Variants in CSMD1 observed in about 807,000 individuals in gnomAD.
CSMD1 encodes the protein CUB and Sushi multiple domains 1.
Under a neutral mutation model 417.5 loss-of-function variants are expected in CSMD1, and 213 were observed. The observed-to-expected ratio is 0.51, with a 90% CI of 0.46 to 0.57. CSMD1 has a LOEUF of 0.57. CSMD1 is among the 20% of genes least tolerant of loss of function. CSMD1 has a pLI of 0.00. For missense variants in CSMD1, 6,923 were observed against 4,529.7 expected (o/e 1.53, Z -15.17); for synonymous variants, 2,862 against 1,736.8 (o/e 1.65, Z -16.11).
rs537543702 is a variant in CSMD1 at position 4,484,011 on chromosome 8, T to C, written c.303-63946A>G. On this transcript the variant is annotated intron_variant, in intron 2 of 69. Coordinates refer to ENST00000635120, the MANE Select transcript of CSMD1 (RefSeq NM_033225.6). ...GCCCTGGGAGAAACATCCCATTGCCTGTTGGATGATAGGGCTGCATTAGAC... is the reference window on the plus strand; with the variant it reads ...GCCCTGGGAGAAACATCCCATTGCCCGTTGGATGATAGGGCTGCATTAGAC... Among the ~76,000 whole-genome samples, 10 of 152,224 alleles carry C rather than the reference T, an allele frequency of 6.6e-5. No homozygotes were observed. In the South Asian group the frequency reaches 8.3e-4, roughly 13 times the overall value.
At chr8:3,344,482 G>C (rs1021604050) in intron 22 of CSMD1, among the ~76,000 whole-genome samples, 2 of 152,164 alleles carry the variant, frequency 1.3e-5, no homozygotes, top group Non-Finnish European at 2.9e-5. Flanking sequence ...AAATAAAAAA[G>C]TCAATGCAGC....
At chr8:4,670,070 T>C (rs1805199070) in intron 1 of CSMD1, among the ~76,000 whole-genome samples, 1 of 152,186 alleles carries the variant, frequency 6.6e-6, no homozygotes, top group Non-Finnish European at 1.5e-5. Flanking sequence ...AAAGGGAAGC[T>C]GGTTTGGTGC....
chr8:3,363,817 C>T (rs1313071773), intron 20 of CSMD1, among the ~76,000 whole-genome samples: 4 of 152,148 alleles, frequency 2.6e-5, no homozygotes, highest in African/African-American at 4.8e-5. Context: ...CACGTCGTAG[C>T]GAGTGGGAAA....
At position 3,976,069 on chromosome 8, in the gene CSMD1, A is replaced by AT. The variant is rs201414128; in HGVS notation, c.818+21833dup. 1.1e-4 allele frequency among the ~76,000 whole-genome samples: 16 copies of AT among 152,090 alleles called. No homozygotes were observed. In the South Asian group the frequency reaches 3.3e-3, roughly 32 times the overall value. The stretch of plus-strand genomic sequence containing the variant: ...TTGAAATCTGTATTTGATATGTTAA[A>AT]TTTTTTTGGGGGGGTCACGAACTTG... On this transcript the variant is annotated intron_variant, in intron 5 of 69. Transcript: ENST00000635120.
At chr8:4,379,738 G>C (rs1425932114) in intron 3 of CSMD1, among the ~76,000 whole-genome samples, 1 of 151,906 alleles carries the variant, frequency 6.6e-6, no homozygotes, top group African/African-American at 2.4e-5. Context: ...GTGGCAGAAA[G>C]TATGATAAAT....
At chr8:4,647,488 G>C (rs980725494) in intron 1 of CSMD1, among the ~76,000 whole-genome samples, 3 of 148,268 alleles carry the variant, frequency 2.0e-5, no homozygotes, top group Non-Finnish European at 2.9e-5. Flanking sequence ...GTGTGCCATG[G>C]TGGTTTGTTA....
chr8:4,072,488 G>A (rs147415629), intron 3 of CSMD1, among the ~76,000 whole-genome samples: 1 of 152,134 alleles, frequency 6.6e-6, no homozygotes, highest in African/African-American at 2.4e-5. Flanking sequence ...GAAGGGAATT[G>A]TGACTATAAT....
intron 7 of CSMD1, 108 bp downstream of exon 7, chr8:3,708,306 A>C: frequency 5.2e-5 from 42 of 802,032 alleles, no homozygotes; most frequent in Non-Finnish European, 7.8e-5. Flanking sequence ...AAAAGAAGGA[A>C]GAGATAACGT....
At chr8:3,499,261 A>T (rs1383219719) in intron 10 of CSMD1, among the ~76,000 whole-genome samples, 1 of 152,208 alleles carries the variant, frequency 6.6e-6, no homozygotes, top group African/African-American at 2.4e-5. Flanking sequence ...GTTGTAATCA[A>T]TGTCTGCATG....
chr8:3,963,143 G>A (rs1278536971), intron 5 of CSMD1, among the ~76,000 whole-genome samples: 1 of 152,054 alleles, frequency 6.6e-6, no homozygotes, highest in Non-Finnish European at 1.5e-5. Context: ...TGTTGGCTAG[G>A]CTTGACTCAA....
chr8:3,458,327 G>A (rs936648776), intron 12 of CSMD1, among the ~76,000 whole-genome samples: 1 of 152,020 alleles, frequency 6.6e-6, no homozygotes, highest in African/African-American at 2.4e-5. Flanking sequence ...ATTTAATAAT[G>A]GCTTATCTCA....
intron 3 of CSMD1, among the ~76,000 whole-genome samples, chr8:4,065,970 G>C (rs577524746): frequency 1.3e-5 from 2 of 152,114 alleles, no homozygotes; most frequent in South Asian, 2.1e-4. Context: ...GTCCAATTTG[G>C]GTGAAAAATA....
chr8:3,596,840 T>C (rs945498536), intron 8 of CSMD1, among the ~76,000 whole-genome samples: 1 of 152,098 alleles, frequency 6.6e-6, no homozygotes, highest in Admixed American at 6.6e-5. Flanking sequence ...TCCAAAAGCA[T>C]GTTTACAAGA....
chr8:2,967,784 A>G (rs1182542283), intron 57 of CSMD1, among the ~76,000 whole-genome samples: 1 of 152,216 alleles, frequency 6.6e-6, no homozygotes, highest in Admixed American at 6.5e-5. Flanking sequence ...AGAACATGGA[A>G]GAAAACATCC....
At chr8:4,093,626 G>C (rs1800833812) in intron 3 of CSMD1, among the ~76,000 whole-genome samples, 1 of 152,098 alleles carries the variant, frequency 6.6e-6, no homozygotes, top group Non-Finnish European at 1.5e-5. Context: ...TCGAATTTAA[G>C]CCAACTATGA....
intron 2 of CSMD1, among the ~76,000 whole-genome samples, chr8:4,472,833 T>C (rs1330080892): frequency 6.6e-6 from 1 of 152,018 alleles, no homozygotes; most frequent in Non-Finnish European, 1.5e-5. Flanking sequence ...ATATATACCC[T>C]TTCTGTAAGT....
intron 3 of CSMD1, among the ~76,000 whole-genome samples, chr8:4,236,010 G>C (rs899521514): frequency 1.4e-5 from 2 of 138,888 alleles, no homozygotes; most frequent in Non-Finnish European, 3.1e-5. Context: ...TGTGAGCAAA[G>C]AGGTTAATGG....
Position 4,390,636 on chromosome 8 carries a change from C to T in CSMD1, c.415+29317G>A, listed in dbSNP as rs555528905. On this transcript the variant is annotated intron_variant, in intron 3 of 69. Transcript: ENST00000635120. ...TCACGCCATTCTCCTGCCTCAGCCT[C>T]CCAAGGAGCTGGGACGACAGGCACC... Among the ~76,000 whole-genome samples the T allele has an allele frequency of 3.2e-3, 490 of 152,098 alleles. 1 individual carries two copies. Among genetic ancestry groups the T allele is most frequent in the African/African-American group, 0.011 (455 of 41,490 alleles).
At chr8:4,157,076 G>T (rs531415869) in intron 3 of CSMD1, among the ~76,000 whole-genome samples, 2 of 152,116 alleles carry the variant, frequency 1.3e-5, no homozygotes, top group African/African-American at 4.8e-5. Context: ...GGATGGACCC[G>T]CCATGGCCAG....
Sources: gnomAD v4.1 joint callset for allele counts (sites outside exome capture counted in the v4.1 genomes callset) on GRCh38, gnomAD v4.1.1 for gene constraint, MANE v1.5 for transcripts, NCBI Gene and HGNC (gene_info 2026-07-23, HGNC 2026-07-21) for gene names.